Variants in ATAD3A observed in about 807,000 individuals in gnomAD.
ATAD3A encodes ATPase family AAA domain containing 3A, also known as ATPase family AAA domain-containing protein 3A.
A neutral mutation model predicts 73.8 loss-of-function variants in ATAD3A; 46 were observed. The observed-to-expected ratio is 0.62, with a 90% CI of 0.49 to 0.80. ATAD3A has a LOEUF of 0.80. Ranked by LOEUF, ATAD3A falls within the 30% of genes least tolerant of loss-of-function variation. The pLI is 0.00. For missense variants in ATAD3A, 705 were observed against 838.0 expected (o/e 0.84, Z 1.96); for synonymous variants, 319 against 350.0 (o/e 0.91, Z 0.99).
chr1:1,513,464 C>T (rs1443526596), intron 1 of ATAD3A, among the ~76,000 whole-genome samples: 10 of 151,062 alleles, frequency 6.6e-5, no homozygotes, highest in African/African-American at 2.4e-4. Context: ...CTGGCGGCCC[C>T]GGAGCTCCTG....
rs1299977316 is a variant in ATAD3A, at chr1:1,529,402, C to A, written c.1614+71C>A. The stretch of plus-strand genomic sequence containing the variant: ...TGTGGAGATGCTCAGTTGCGCCAGG[C>A]CTGTCCCAGCACCGGTGTCACGCGG... On this transcript the variant is annotated intron_variant, in intron 15 of 15. Transcript: ENST00000378756. The A allele has an allele frequency of 1.1e-5, 17 of 1,507,344 alleles. No individual in the cohort carries two copies. The East Asian group carries it at 4.1e-4, about 37-fold the overall frequency. The allele number at this position is 1,507,344 out of a possible 1,614,324, so 93.4% of individuals were successfully genotyped here. A position where few individuals can be genotyped will look rare whatever the true frequency, so the allele number is the denominator to read the frequency against.
chr1:1,519,254 T>G (rs1570329341), intron 5 of ATAD3A, among the ~76,000 whole-genome samples: 1 of 138,904 alleles, frequency 7.2e-6, no homozygotes, highest in Non-Finnish European at 1.6e-5. Flanking sequence ...TGAGACGGAG[T>G]CTCGCTCTGT....
At chr1:1,529,202 A>C in intron 14 of ATAD3A, 21 bp from the exon 15 acceptor site, 1 of 1,607,276 alleles carries the variant, frequency 6.2e-7, no homozygotes, top group Non-Finnish European at 8.5e-7. Context: ...TGGCCGGCCC[A>C]CTTGGGAACT....
At chr1:1,525,956 C>A (rs1641827406) in intron 12 of ATAD3A, among the ~76,000 whole-genome samples, 1 of 152,134 alleles carries the variant, frequency 6.6e-6, no homozygotes, top group African/African-American at 2.4e-5. Context: ...GATTTGCCTC[C>A]CTTGACGTTC....
intron 4 of ATAD3A, 48 bp from the exon 5 acceptor site, chr1:1,518,873 A>G (rs781491086): frequency 2.5e-6 from 4 of 1,613,754 alleles, no homozygotes; most frequent in Non-Finnish European, 3.4e-6. Flanking sequence ...ACATGGGCAC[A>G]GTCACAGGTT....
At chr1:1,532,933 C>T (rs532221231) in intron 15 of ATAD3A, among the ~76,000 whole-genome samples, 11 of 152,094 alleles carry the variant, frequency 7.2e-5, no homozygotes, top group East Asian at 1.9e-4. Flanking sequence ...GTGTCTCCTG[C>T]GCTCCCGGGC....
At position 1,527,632 on chromosome 1, in the gene ATAD3A, C is replaced by T. The variant is rs879230243; in HGVS notation, c.1338-63C>T. 3.0e-5 allele frequency: 47 copies of T among 1,542,314 alleles called. No individual in the cohort carries two copies. The African/African-American group carries it at 4.0e-4, about 13-fold the overall frequency. On this transcript the variant is annotated intron_variant, in intron 13 of 15. Coordinates refer to ENST00000378756, the MANE Select transcript of ATAD3A (RefSeq NM_001170535.3). ...CTCCCTGTGGGGGCTGAGGAGGCCC[C>T]GTTCCCCTTGGTGCAGCTCGGCCGG...
intron 14 of ATAD3A, 56 bp from the exon 15 acceptor site, chr1:1,529,167 C>T (rs1641949644): frequency 6.3e-7 from 1 of 1,593,480 alleles, no homozygotes; most frequent in Non-Finnish European, 8.5e-7. Context: ...CCGGCCTCCA[C>T]CTCGTGTTGT....
chr1:1,515,065 G>A (rs1641312300), intron 1 of ATAD3A, among the ~76,000 whole-genome samples: 1 of 152,152 alleles, frequency 6.6e-6, no homozygotes, highest in African/African-American at 2.4e-5. Context: ...AGTGGAGACA[G>A]GGTTTCGCCA....
At chr1:1,517,897 G>T in intron 4 of ATAD3A, 122 bp downstream of exon 4, 14 of 1,438,858 alleles carry the variant, frequency 9.7e-6, no homozygotes, top group African/African-American at 1.4e-5. Context: ...GTGGGTGCTA[G>T]AGCAGGGGAA....
At chr1:1,529,640 C>T (rs1275691298) in intron 15 of ATAD3A, among the ~76,000 whole-genome samples, 1 of 152,242 alleles carries the variant, frequency 6.6e-6, no homozygotes, top group Non-Finnish European at 1.5e-5. Context: ...CTGACTCTCA[C>T]CTTGGCCAAT....
chr1:1,522,604 T>A, intron 7 of ATAD3A, 140 bp from the exon 8 acceptor site: 2 of 1,483,840 alleles, frequency 1.3e-6, no homozygotes, highest in Non-Finnish European at 1.8e-6. Context: ...GGGCCGGGAA[T>A]TCGCGTTCCT....
chr1:1,521,553 C>T (rs1224637232), intron 7 of ATAD3A, among the ~76,000 whole-genome samples: 1 of 152,200 alleles, frequency 6.6e-6, no homozygotes, highest in Non-Finnish European at 1.5e-5. Context: ...ACTTGCTCTG[C>T]CGTGGTGCCG....
intron 14 of ATAD3A, 107 bp downstream of exon 14, chr1:1,527,969 T>C: frequency 2.9e-6 from 4 of 1,382,392 alleles, no homozygotes; most frequent in South Asian, 1.5e-5. Context: ...TTTTTTTTTT[T>C]TTTTTTTGAG....
At chr1:1,527,958 C>CTTTTTTTTTTTTTTTTTTTTTT (rs376072450) in intron 14 of ATAD3A, 96 bp downstream of exon 14, 1 of 878,940 alleles carries the variant, frequency 1.1e-6, no homozygotes, top group Non-Finnish European at 1.5e-6. Flanking sequence ...TTTAACATTC[C>CTTTTTTTTTTTTTTTTTTTTTT]TTTTTTTTTT....
intron 7 of ATAD3A, among the ~76,000 whole-genome samples, chr1:1,522,272 C>T (rs1641626340): frequency 6.6e-6 from 1 of 152,092 alleles, no homozygotes; most frequent in Non-Finnish European, 1.5e-5. Context: ...AACTCTTGAC[C>T]TCAGGTGATC....
rs554355449 is a variant in ATAD3A, at chr1:1,526,005, G to A, written c.1267-456G>A. 5.2e-4 allele frequency among the ~76,000 whole-genome samples: 79 copies of A among 151,876 alleles called. 1 individual carries two copies. The highest frequency in any genetic ancestry group is 1.0e-3 in the Non-Finnish European group (69 of 67,916). ...TTACAGATGTGAGCCCCCGTGCCCG[G>A]TCAGGCTTTCTTTTCTTTTTCTTTT... is the stretch of plus-strand genomic sequence containing the variant. On this transcript the variant is annotated intron_variant, in intron 12 of 15. Transcript: ENST00000378756.
At chr1:1,518,650 C>G (rs1276965776) in intron 4 of ATAD3A, among the ~76,000 whole-genome samples, 1 of 83,248 alleles carries the variant, frequency 1.2e-5, no homozygotes, top group South Asian at 5.4e-4. Context: ...CACAACCCCC[C>G]CACCCCCCGC....
chr1:1,531,843 A>G (rs1642045507), intron 15 of ATAD3A, among the ~76,000 whole-genome samples: 1 of 151,018 alleles, frequency 6.6e-6, no homozygotes, highest in Non-Finnish European at 1.5e-5. Flanking sequence ...ACCTGTAACC[A>G]CAGCACTTTG....
Sources: allele counts gnomAD v4.1 joint callset (sites outside exome capture counted in the v4.1 genomes callset), GRCh38; gene constraint gnomAD v4.1.1; transcripts MANE v1.5; gene names NCBI Gene and HGNC (gene_info 2026-07-23, HGNC 2026-07-21).